LHX8: variants seen among roughly 807,000 people sequenced by gnomAD.
LHX8 encodes LIM homeobox 8.
In LHX8, 12 loss-of-function variants were observed where a neutral mutation model predicts 40.3. The ratio of observed to expected loss-of-function variants is 0.30; its 90% CI spans 0.19 to 0.48. The LOEUF (loss-of-function observed/expected upper bound fraction) is 0.48, where lower values mean the gene tolerates loss of function less well. Among genes scored for constraint, LHX8 ranks in the 20% least tolerant of loss-of-function variants. The probability of loss-of-function intolerance (pLI) is 0.99; values close to 1 mark genes in which losing one functional copy is unlikely to be tolerated. For synonymous variants in LHX8, 179 were observed against 162.0 expected, an observed-to-expected ratio of 1.10 and a Z score of -0.80; for missense variants, 344 against 433.7, an observed-to-expected ratio of 0.79 and a Z score of 1.84.
chr1:75,163,893 G>C (rs1311175210), downstream of LHX8, among the ~76,000 whole-genome samples: 1 of 152,184 alleles, frequency 6.6e-6, no homozygotes, highest in Non-Finnish European at 1.5e-5. Context: ...TAAGGGGCTT[G>C]TTTGCCCCTT....
chr1:75,158,420 C>T (rs1037857319), intron 8 of LHX8, among the ~76,000 whole-genome samples: 5 of 152,162 alleles, frequency 3.3e-5, no homozygotes, highest in African/African-American at 1.2e-4. Context: ...ATTTTTCCTT[C>T]ATGAGCCATG....
chr1:75,157,999 T>C (rs1345976479), intron 8 of LHX8, among the ~76,000 whole-genome samples: 1 of 152,210 alleles, frequency 6.6e-6, no homozygotes, highest in African/African-American at 2.4e-5. Flanking sequence ...TTTTTCACAG[T>C]GGTTGAACCA....
At chr1:75,182,866 C>T in the LHX8 span, among the ~76,000 whole-genome samples, 1 of 152,082 alleles carries the variant, frequency 6.6e-6, no homozygotes, top group South Asian at 2.1e-4. Flanking sequence ...AAGAAATTTC[C>T]TTTAAACACG....
chr1:75,131,198 G>T, upstream of LHX8: 1 of 195,216 alleles, frequency 5.1e-6, no homozygotes. Flanking sequence ...TCTGACCCAG[G>T]CGAGTCCCTA....
intron 1 of LHX8, 51 bp downstream of exon 1, chr1:75,135,005 G>A: frequency 2.2e-6 from 2 of 893,950 alleles, no homozygotes; most frequent in Non-Finnish European, 2.7e-6. Flanking sequence ...CGGTCCGGGA[G>A]AGTGGGTCGG....
chr1:75,185,048 AAC>A, the LHX8 span, among the ~76,000 whole-genome samples: 1 of 152,090 alleles, frequency 6.6e-6, no homozygotes, highest in African/African-American at 2.4e-5. Context: ...CCCAAGACTG[AAC>A]CAGGAAGAAA....
At chr1:75,176,609 C>T in the LHX8 span, among the ~76,000 whole-genome samples, 217 of 152,184 alleles carry the variant, frequency 1.4e-3, no homozygotes, top group Non-Finnish European at 2.1e-3. Context: ...AAAATTTTCT[C>T]CCATTCTGTA....
At chr1:75,175,434 A>G in the LHX8 span, among the ~76,000 whole-genome samples, 1 of 152,182 alleles carries the variant, frequency 6.6e-6, no homozygotes, top group Admixed American at 6.5e-5. Context: ...TCCAGGTGAA[A>G]GTGTTCCCTT....
intron 6 of LHX8, among the ~76,000 whole-genome samples, chr1:75,144,322 T>C (rs978436495): frequency 6.6e-6 from 1 of 152,184 alleles, no homozygotes; most frequent in Non-Finnish European, 1.5e-5. Context: ...GAGACATACA[T>C]GTCCCATGTG....
chr1:75,177,217 A>T, the LHX8 span, among the ~76,000 whole-genome samples: 3 of 152,126 alleles, frequency 2.0e-5, no homozygotes, highest in Non-Finnish European at 2.9e-5. Flanking sequence ...GAAGAAAGTC[A>T]TTGGTAGCTT....
upstream of LHX8, among the ~76,000 whole-genome samples, chr1:75,134,234 A>G (rs920181797): frequency 6.6e-6 from 1 of 152,040 alleles, no homozygotes; most frequent in Admixed American, 6.5e-5. Flanking sequence ...AAAGATTTTA[A>G]CATGTAGAGA....
the LHX8 span, among the ~76,000 whole-genome samples, chr1:75,170,701 T>C: frequency 6.6e-6 from 1 of 152,166 alleles, no homozygotes; most frequent in African/African-American, 2.4e-5. Context: ...GAGATTCTGA[T>C]TTGTCACATC....
chr1:75,161,226 T>C lies in LHX8; in HGVS notation c.*331T>C, dbSNP rs1348242728. 8.0e-6 allele frequency: 2 copies of C among 248,844 alleles called. No individual in the cohort carries two copies. The highest frequency in any genetic ancestry group is 1.4e-3 in the Middle Eastern group (1 of 730). The allele number at this position is 248,844 out of a possible 1,614,324, so 15.4% of individuals were successfully genotyped here. ...AGAAAGGACTGACAAGTGTGCAAAA[T>C]GTTTACAATCTTTTGTGAAATTGTA... On this transcript the variant is annotated 3_prime_UTR_variant, in exon 9 of 9. Coordinates refer to ENST00000356261, the MANE Select transcript of LHX8 (RefSeq NM_001256114.2).
At chr1:75,168,536 T>C in the LHX8 span, among the ~76,000 whole-genome samples, 3 of 152,160 alleles carry the variant, frequency 2.0e-5, no homozygotes, top group African/African-American at 7.2e-5. Context: ...CTGGTCATTG[T>C]TTTCAATTTG....
the LHX8 span, among the ~76,000 whole-genome samples, chr1:75,172,838 G>A: frequency 1.3e-5 from 2 of 152,110 alleles, no homozygotes; most frequent in African/African-American, 4.8e-5. Flanking sequence ...CCCCCTGCCT[G>A]AATCTCCTAG....
At chr1:75,182,416 C>T in the LHX8 span, among the ~76,000 whole-genome samples, 1 of 141,840 alleles carries the variant, frequency 7.1e-6, no homozygotes, top group African/African-American at 2.6e-5. Flanking sequence ...TCTTGTTGCC[C>T]AAGCTGGAGT....
downstream of LHX8, among the ~76,000 whole-genome samples, chr1:75,166,090 C>T (rs1230142661): frequency 6.6e-6 from 1 of 152,174 alleles, no homozygotes; most frequent in Admixed American, 6.5e-5. Flanking sequence ...CACTCTGAGG[C>T]CGGGCAGTTG....
the LHX8 span, among the ~76,000 whole-genome samples, chr1:75,198,888 TGAG>T: frequency 6.6e-6 from 1 of 152,220 alleles, no homozygotes; most frequent in East Asian, 1.9e-4. Context: ...ATCTTGGTGT[TGAG>T]AGGAAAGAGA....
At chr1:75,193,322 A>T in the LHX8 span, among the ~76,000 whole-genome samples, 3 of 152,182 alleles carry the variant, frequency 2.0e-5, no homozygotes, top group African/African-American at 7.2e-5. Context: ...TTGAGCAGCC[A>T]CTTAGGTTCA....
Sources: allele counts gnomAD v4.1 joint callset (sites outside exome capture counted in the v4.1 genomes callset), GRCh38; gene constraint gnomAD v4.1.1; transcripts MANE v1.5; gene names NCBI Gene and HGNC (gene_info 2026-07-23, HGNC 2026-07-21).